FOXN2: variants seen among roughly 807,000 people sequenced by gnomAD.
FOXN2 encodes forkhead box N2.
FOXN2 carries 19 observed loss-of-function variants against 41.2 expected under a neutral mutation model. The ratio of observed to expected loss-of-function variants is 0.46; its 90% CI spans 0.32 to 0.68. The LOEUF is 0.68. Ranked by LOEUF, FOXN2 falls within the 30% of genes least tolerant of loss-of-function variation. The pLI, the probability that FOXN2 is intolerant of heterozygous loss-of-function variation, is 0.03. For missense variants in FOXN2, 587 were observed against 509.4 expected (o/e 1.15, Z -1.47); for synonymous variants, 195 against 176.8 (o/e 1.10, Z -0.82).
rs1269457971 is a variant in FOXN2, at chr2:48,377,036, CTT to C, written c.*1600_*1601del. On this transcript the variant is annotated 3_prime_UTR_variant, in exon 7 of 7. Coordinates refer to ENST00000340553, the MANE Select transcript of FOXN2 (RefSeq NM_002158.4). Reference sequence around the variant, plus strand: ...CAAATGAGAAAAATGATTTTAAAAACTTTTTTTTCAATTGACAAGACTTTAAG... The same window carrying C: ...CAAATGAGAAAAATGATTTTAAAAACTTTTTTCAATTGACAAGACTTTAAG... The C allele has an allele frequency of 6.6e-6, 1 of 151,716 alleles. No homozygotes were observed. Among genetic ancestry groups the C allele is most frequent in the Non-Finnish European group, 1.5e-5 (1 of 67,798 alleles). The allele number at this position is 151,716 out of a possible 1,614,324, so 9.4% of individuals were successfully genotyped here. A position where few individuals can be genotyped will look rare whatever the true frequency, so the allele number is the denominator to read the frequency against.
intron 2 of FOXN2, among the ~76,000 whole-genome samples, chr2:48,336,712 A>G (rs1670386287): frequency 6.6e-6 from 1 of 152,152 alleles, no homozygotes; most frequent in African/African-American, 2.4e-5. Context: ...TATGCCTTTA[A>G]AAACAATATT....
chr2:48,321,666 A>G (rs1189983199), intron 1 of FOXN2, among the ~76,000 whole-genome samples: 2 of 152,240 alleles, frequency 1.3e-5, no homozygotes, highest in East Asian at 1.9e-4. Context: ...TAAAAGTATT[A>G]TTTAGTACAT....
chr2:48,331,452 G>A (rs62138816), intron 2 of FOXN2, among the ~76,000 whole-genome samples: 15,614 of 152,050 alleles, frequency 0.1, 1,096 homozygotes, highest in South Asian at 0.2. Flanking sequence ...ATAATTAATC[G>A]AACCAAGTTA....
chr2:48,374,412 T>C (rs1262639570), intron 6 of FOXN2, among the ~76,000 whole-genome samples: 1 of 152,084 alleles, frequency 6.6e-6, no homozygotes, highest in Non-Finnish European at 1.5e-5. Context: ...AAGTAGGGAG[T>C]AAGTTTTGTC....
intron 5 of FOXN2, among the ~76,000 whole-genome samples, chr2:48,367,078 C>CA (rs1672582002): frequency 6.6e-6 from 1 of 152,124 alleles, no homozygotes. Context: ...TAAACAGGTG[C>CA]AGCAGTGTGT....
chr2:48,326,480 G>C (rs1669683791), intron 1 of FOXN2, among the ~76,000 whole-genome samples: 1 of 150,652 alleles, frequency 6.6e-6, no homozygotes, highest in Non-Finnish European at 1.5e-5. Context: ...GTATTACAGA[G>C]AACAAATTAA....
intron 5 of FOXN2, among the ~76,000 whole-genome samples, chr2:48,369,829 C>G (rs533690618): frequency 6.6e-6 from 1 of 151,736 alleles, no homozygotes; most frequent in Non-Finnish European, 1.5e-5. Flanking sequence ...AACCATATCT[C>G]TACAAAAAAT....
intron 5 of FOXN2, among the ~76,000 whole-genome samples, chr2:48,366,385 C>G (rs944284273): frequency 3.3e-5 from 5 of 151,482 alleles, no homozygotes; most frequent in Non-Finnish European, 7.4e-5. Flanking sequence ...TGGAGAACAC[C>G]TGATTATCAA....
chr2:48,356,445 A>C (rs1671802903), intron 3 of FOXN2, among the ~76,000 whole-genome samples: 1 of 152,356 alleles, frequency 6.6e-6, no homozygotes, highest in East Asian at 1.9e-4. Flanking sequence ...TCTCAAAAAA[A>C]AAAAAGTTAA....
chr2:48,373,650 A>G (rs1013919758), intron 6 of FOXN2, among the ~76,000 whole-genome samples: 2 of 152,340 alleles, frequency 1.3e-5, no homozygotes, highest in East Asian at 1.9e-4. Context: ...ACAAGAAAAT[A>G]TAATAAGTAA....
In FOXN2 at chr2:48,346,286, A is replaced by G; in HGVS notation, c.72A>G (p.Leu24=). 6.2e-7 allele frequency: 1 copy of G among 1,614,230 alleles called. No homozygotes were observed. Among genetic ancestry groups the G allele is most frequent in the Non-Finnish European group, 8.5e-7 (1 of 1,180,020 alleles). ...ETPGAEKIAG[L]SQIYKMGSLP... ...CAGGAGCTGAAAAGATTGCAGGATTAAGCCAGATTTACAAAATGGGAAGCT... is the reference window on the plus strand; with the variant it reads ...CAGGAGCTGAAAAGATTGCAGGATTGAGCCAGATTTACAAAATGGGAAGCT... The change falls in exon 3 of 7, where the codon TTA becomes TTG. Residue 24 remains leucine, a synonymous_variant. Coordinates refer to ENST00000340553, the MANE Select transcript of FOXN2 (RefSeq NM_002158.4).
intron 1 of FOXN2, among the ~76,000 whole-genome samples, chr2:48,315,323 TG>T (rs769064015): frequency 6.6e-6 from 1 of 152,146 alleles, no homozygotes; most frequent in Non-Finnish European, 1.5e-5. Context: ...CAGTTGGGAC[TG>T]GCTGGGCCCC....
intron 5 of FOXN2, among the ~76,000 whole-genome samples, chr2:48,369,812 A>G (rs1372275982): frequency 6.6e-6 from 1 of 152,046 alleles, no homozygotes; most frequent in Admixed American, 6.6e-5. Flanking sequence ...CTCAGGCAAC[A>G]CGGTAAAACC....
intron 1 of FOXN2, among the ~76,000 whole-genome samples, chr2:48,324,582 T>C (rs1669543910): frequency 6.6e-6 from 1 of 152,212 alleles, no homozygotes; most frequent in Non-Finnish European, 1.5e-5. Context: ...TGGTATGATT[T>C]GGGTATAATT....
rs1470454216 is a variant in FOXN2 at position 48,375,194 on chromosome 2, T to TGAA, written c.1053_1055dup (p.Glu351dup). 1.2e-6 allele frequency: 2 copies of TGAA among 1,614,146 alleles called. No homozygotes were observed. The highest frequency in any genetic ancestry group is 1.1e-5 in the South Asian group (1 of 91,088). On this transcript the variant is annotated inframe_insertion, in exon 7 of 7. Transcript: ENST00000340553. ...GTGATGGCAGTGAAGGATTTCACAG[T>TGAA]GAAGAAGATACAGACGTTGATTATG...
intron 1 of FOXN2, among the ~76,000 whole-genome samples, chr2:48,315,199 G>T (rs1009763814): frequency 6.6e-6 from 1 of 152,130 alleles, no homozygotes; most frequent in Non-Finnish European, 1.5e-5. Flanking sequence ...CTCGGCTCGG[G>T]GCTGGAATCT....
chr2:48,334,667 T>C (rs527867187), intron 2 of FOXN2, among the ~76,000 whole-genome samples: 1 of 152,176 alleles, frequency 6.6e-6, no homozygotes, highest in African/African-American at 2.4e-5. Flanking sequence ...TTGAGGATAT[T>C]TGCCAAATCA....
chr2:48,375,014 T>G lies in FOXN2; in HGVS notation c.867T>G (p.Ser289Arg). 1 of 1,613,882 alleles carries G rather than the reference T, an allele frequency of 6.2e-7. No homozygotes were observed. Among genetic ancestry groups the G allele is most frequent in the Non-Finnish European group, 8.5e-7 (1 of 1,179,946 alleles). Residue 289 changes from serine to arginine, a missense_variant, in exon 7 of 7, where the codon AGT (serine) becomes AGG (arginine). Coordinates refer to ENST00000340553, the MANE Select transcript of FOXN2 (RefSeq NM_002158.4). ...CCAGTGCTGTACGATTACAAGAGAG[T>G]GATTCTTTAGCCACCAGCATTGATC... ...HHPSAVRLQESDSLATSIDPK... is the reference protein window; with the variant it reads ...HHPSAVRLQERDSLATSIDPK...
At chr2:48,366,085 A>G (rs6743757) in intron 5 of FOXN2, among the ~76,000 whole-genome samples, 61,495 of 151,946 alleles carry the variant, frequency 0.4, 12,821 homozygotes, top group Non-Finnish European at 0.46. Flanking sequence ...GGCTGGGCAC[A>G]GTGGCTCACG....
Sources: gnomAD v4.1 joint callset for allele counts (sites outside exome capture counted in the v4.1 genomes callset) on GRCh38, gnomAD v4.1.1 for gene constraint, MANE v1.5 for transcripts, NCBI Gene and HGNC (gene_info 2026-07-23, HGNC 2026-07-21) for gene names.